Variants in MREG observed in about 807,000 individuals in gnomAD.
MREG encodes the protein dilute suppressor protein homolog.
A neutral mutation model predicts 28.5 loss-of-function variants in MREG; 31 were observed. The ratio of observed to expected loss-of-function variants is 1.09; its 90% CI spans 0.82 to 1.47. MREG has a LOEUF of 1.47. MREG is among the 40% of genes most tolerant of loss of function. The pLI is 0.00. For synonymous variants in MREG, 106 were observed against 95.2 expected, an observed-to-expected ratio of 1.11 and a Z score of -0.66; for missense variants, 256 against 257.4, an observed-to-expected ratio of 0.99 and a Z score of 0.04.
chr2:216,001,883 C>T (rs1391827073), intron 1 of MREG, among the ~76,000 whole-genome samples: 1 of 152,154 alleles, frequency 6.6e-6, no homozygotes, highest in Admixed American at 6.5e-5. Context: ...AGAGAAGCAC[C>T]TTTGGAACCT....
At chr2:216,008,050 TTC>T (rs1483683202) in intron 1 of MREG, among the ~76,000 whole-genome samples, 4 of 152,044 alleles carry the variant, frequency 2.6e-5, no homozygotes, top group African/African-American at 9.7e-5. Flanking sequence ...TAATTCAGTG[TTC>T]AAGCGACTTT....
Position 216,020,879 on chromosome 2 carries a change from TA to T in MREG, c.-68+11909del, listed in dbSNP as rs371187989. Reference sequence around the variant, plus strand: ...AACGTCAGACTCCCACTGCGTCCCTTAAAAATTCAGATAGAAAACTGGTGAC... The same window carrying T: ...AACGTCAGACTCCCACTGCGTCCCTTAAAATTCAGATAGAAAACTGGTGAC... On this transcript the variant is annotated intron_variant, in intron 1 of 3. Transcript: ENST00000420348. Among the ~76,000 whole-genome samples the T allele has an allele frequency of 6.9e-3, 1,050 of 152,246 alleles. 4 individuals carry two copies. Among genetic ancestry groups the T allele is most frequent in the South Asian group, 0.029 (140 of 4,826 alleles).
At chr2:215,996,255 T>C (rs989174388) in intron 2 of MREG, 51 bp downstream of exon 2, 1 of 1,527,846 alleles carries the variant, frequency 6.5e-7, no homozygotes, top group Non-Finnish European at 8.8e-7. Flanking sequence ...AATTACTATT[T>C]TTTACTATAT....
At chr2:216,011,153 A>T (rs925105654) in intron 1 of MREG, among the ~76,000 whole-genome samples, 1 of 152,134 alleles carries the variant, frequency 6.6e-6, no homozygotes, top group Non-Finnish European at 1.5e-5. Flanking sequence ...TGTACTAAAA[A>T]CTACTGAATT....
intron 2 of MREG, among the ~76,000 whole-genome samples, chr2:215,962,466 C>G (rs969494580): frequency 6.6e-6 from 1 of 152,154 alleles, no homozygotes; most frequent in Admixed American, 6.5e-5. Flanking sequence ...GAACCACCTC[C>G]GAGTTCTGGG....
At chr2:215,979,467 A>AATAAT (rs1693354762) in intron 2 of MREG, among the ~76,000 whole-genome samples, 1 of 132,494 alleles carries the variant, frequency 7.5e-6, no homozygotes, top group Non-Finnish European at 1.6e-5. Flanking sequence ...CCATCTCAAA[A>AATAAT]AATAATAATA....
intron 2 of MREG, among the ~76,000 whole-genome samples, chr2:215,976,305 A>G (rs1392586583): frequency 1.3e-5 from 2 of 152,150 alleles, no homozygotes; most frequent in African/African-American, 2.4e-5. Flanking sequence ...AGCCTCTTCA[A>G]CTAGAGCCTT....
chr2:216,000,257 C>G (rs542546408), intron 1 of MREG, among the ~76,000 whole-genome samples: 1 of 151,970 alleles, frequency 6.6e-6, no homozygotes, highest in Non-Finnish European at 1.5e-5. Context: ...AGCTGACAGT[C>G]CCCCCAACAT....
chr2:215,974,293 G>A (rs1693183019), intron 2 of MREG, among the ~76,000 whole-genome samples: 1 of 152,130 alleles, frequency 6.6e-6, no homozygotes, highest in African/African-American at 2.4e-5. Context: ...AGAAAAATAC[G>A]GTCTCTTTCC....
intron 2 of MREG, among the ~76,000 whole-genome samples, chr2:215,969,996 C>G (rs955858288): frequency 2.0e-5 from 3 of 152,190 alleles, no homozygotes. Flanking sequence ...CCATGGCCTA[C>G]ATTTTTTATT....
At chr2:216,029,387 C>T (rs557073383) in intron 1 of MREG, among the ~76,000 whole-genome samples, 3 of 152,122 alleles carry the variant, frequency 2.0e-5, no homozygotes, top group South Asian at 4.1e-4. Context: ...CTGAGGCAGG[C>T]GAATTGCTTG....
At chr2:215,994,813 G>C (rs1370514833) in intron 2 of MREG, among the ~76,000 whole-genome samples, 1 of 152,176 alleles carries the variant, frequency 6.6e-6, no homozygotes, top group East Asian at 1.9e-4. Flanking sequence ...CTCCTCCAGG[G>C]AGAGCTGCCA....
chr2:215,940,193 T>C (rs150338646), downstream of MREG, among the ~76,000 whole-genome samples: 3 of 152,314 alleles, frequency 2.0e-5, no homozygotes, highest in African/African-American at 2.4e-5. Flanking sequence ...TGTCCATCCA[T>C]AGTGTGTCAA....
chr2:215,948,085 A>G (rs1170674561), intron 2 of MREG, among the ~76,000 whole-genome samples: 4 of 152,230 alleles, frequency 2.6e-5, no homozygotes, highest in African/African-American at 9.6e-5. Context: ...GACTCAAGTT[A>G]TATGATATTT....
rs201683429 is a variant in MREG at position 215,995,149 on chromosome 2, T to C, written c.255+1157A>G. Among the ~76,000 whole-genome samples the C allele has an allele frequency of 1.8e-4, 27 of 152,300 alleles. 1 individual carries two copies. The East Asian group carries it at 4.4e-3, about 25-fold the overall frequency. On this transcript the variant is annotated intron_variant, in intron 2 of 4. Transcript: ENST00000263268. ...GCAGCAGCAGGATTTATGACTTGCC[T>C]TCAGCATTGCCCATCACAGAGGGGA...
intron 2 of MREG, among the ~76,000 whole-genome samples, chr2:215,977,167 A>G (rs1042673381): frequency 6.6e-6 from 1 of 152,226 alleles, no homozygotes; most frequent in African/African-American, 2.4e-5. Context: ...TAGGCTCAAA[A>G]TAAAGGGATG....
chr2:215,972,617 G>GAAA (rs34332971), intron 2 of MREG, among the ~76,000 whole-genome samples: 41 of 103,662 alleles, frequency 4.0e-4, no homozygotes, highest in African/African-American at 9.1e-4. Context: ...CTCTCTCCCA[G>GAAA]AAAAAAAAAA....
chr2:215,954,535 G>A (rs1310476700), intron 2 of MREG, among the ~76,000 whole-genome samples: 1 of 149,962 alleles, frequency 6.7e-6, no homozygotes, highest in Non-Finnish European at 1.5e-5. Flanking sequence ...CTCTGGTGAA[G>A]TTATGTAACT....
At chr2:215,941,867 C>T (rs1692201467), downstream of MREG, 1 of 152,174 alleles carries the variant, frequency 6.6e-6, no homozygotes, top group Non-Finnish European at 1.5e-5. Flanking sequence ...TAATTGTATC[C>T]ATTTGTCTTC....
Sources: allele counts gnomAD v4.1 joint callset (sites outside exome capture counted in the v4.1 genomes callset), GRCh38; gene constraint gnomAD v4.1.1; transcripts MANE v1.5; gene names NCBI Gene and HGNC (gene_info 2026-07-23, HGNC 2026-07-21).